Variants in CEP112 observed in about 807,000 individuals in gnomAD.
CEP112 encodes the protein centrosomal protein of 112 kDa.
Under a neutral mutation model 153.0 loss-of-function variants are expected in CEP112, and 127 were observed. The observed-to-expected ratio is 0.83, with a 90% CI of 0.72 to 0.96. The LOEUF (loss-of-function observed/expected upper bound fraction) is 0.96. Among genes scored for constraint, CEP112 ranks in the 40% least tolerant of loss-of-function variants. The probability of loss-of-function intolerance (pLI) is 0.00; values close to 1 mark genes in which losing one functional copy is unlikely to be tolerated. For missense variants in CEP112, 1,089 were observed against 1,101.2 expected (o/e 0.99, Z 0.16); for synonymous variants, 358 against 374.4 (o/e 0.96, Z 0.51).
At chr17:66,051,121 A>T (rs1461348667) in intron 12 of CEP112, among the ~76,000 whole-genome samples, 1 of 147,426 alleles carries the variant, frequency 6.8e-6, no homozygotes, top group African/African-American at 2.5e-5. Flanking sequence ...CTGGGACTAC[A>T]AGCACACCCC....
At chr17:66,052,501 C>CAT (rs368756407) in intron 12 of CEP112, among the ~76,000 whole-genome samples, 119 of 151,724 alleles carry the variant, frequency 7.8e-4, no homozygotes, top group Admixed American at 1.1e-3. Context: ...ACTCCACAGC[C>CAT]ATATATATAT....
chr17:65,657,461 C>T (rs933671692), intron 24 of CEP112, among the ~76,000 whole-genome samples: 4 of 152,072 alleles, frequency 2.6e-5, no homozygotes, highest in African/African-American at 7.2e-5. Context: ...TGTTGAAGAA[C>T]GTGAATATTT....
At chr17:66,158,356 T>C (rs2071536726) in intron 4 of CEP112, among the ~76,000 whole-genome samples, 1 of 152,134 alleles carries the variant, frequency 6.6e-6, no homozygotes, top group African/African-American at 2.4e-5. Flanking sequence ...CTCACACCTG[T>C]AATCCCAGCA....
At chr17:65,911,172 T>C (rs746010183) in intron 19 of CEP112, among the ~76,000 whole-genome samples, 5 of 152,164 alleles carry the variant, frequency 3.3e-5, no homozygotes, top group Non-Finnish European at 7.4e-5. Flanking sequence ...CAGTAGTCAA[T>C]AATAGATCAA....
chr17:66,096,684 A>T, intron 6 of CEP112, 52 bp from the exon 7 acceptor site: 1 of 1,150,856 alleles, frequency 8.7e-7, no homozygotes, highest in East Asian at 2.6e-5. Flanking sequence ...TTGGAGTTTT[A>T]ATTATTATTT....
chr17:66,073,455 C>T (rs1349482183), intron 8 of CEP112, among the ~76,000 whole-genome samples: 1 of 152,200 alleles, frequency 6.6e-6, no homozygotes, highest in African/African-American at 2.4e-5. Flanking sequence ...CAACCACAGG[C>T]TGATGGCTGG....
chr17:66,163,573 A>G (rs1412476684), intron 4 of CEP112, among the ~76,000 whole-genome samples: 2 of 152,216 alleles, frequency 1.3e-5, no homozygotes, highest in East Asian at 3.9e-4. Context: ...GAAAAAGAAA[A>G]CTAAATGAAA....
intron 20 of CEP112, among the ~76,000 whole-genome samples, chr17:65,895,567 C>CA (rs2059631341): frequency 6.6e-6 from 1 of 152,088 alleles, no homozygotes; most frequent in African/African-American, 2.4e-5. Context: ...CTCTCTCCCA[C>CA]ACCAGGCAAA....
intron 8 of CEP112, among the ~76,000 whole-genome samples, chr17:66,089,488 A>G (rs1371963051): frequency 1.3e-5 from 2 of 152,206 alleles, no homozygotes; most frequent in Non-Finnish European, 2.9e-5. Flanking sequence ...TTAACAGAGA[A>G]ATTTTTTAAA....
intron 6 of CEP112, among the ~76,000 whole-genome samples, chr17:66,114,231 T>G (rs983509101): frequency 6.6e-5 from 10 of 152,166 alleles, no homozygotes; most frequent in Non-Finnish European, 1.0e-4. Flanking sequence ...AAAACAGACA[T>G]CTGAATACTT....
intron 20 of CEP112, among the ~76,000 whole-genome samples, chr17:65,863,836 G>A (rs528912727): frequency 1.3e-5 from 2 of 149,906 alleles, no homozygotes; most frequent in African/African-American, 4.9e-5. Context: ...AGGCAGAGGT[G>A]TTCCTAGAAA....
intron 4 of CEP112, among the ~76,000 whole-genome samples, chr17:66,135,835 C>T (rs229852): frequency 1 from 151,714 of 152,198 alleles, 75,617 homozygotes; most frequent in Middle Eastern, 1. Flanking sequence ...AGGAATGATA[C>T]TATATATAGA....
intron 25 of CEP112, among the ~76,000 whole-genome samples, chr17:65,639,517 A>C (rs367580444): frequency 2.0e-4 from 31 of 151,910 alleles, no homozygotes; most frequent in African/African-American, 7.0e-4. Context: ...CTCTACAAAC[A>C]AACCCCCGTT....
At chr17:66,048,714 A>G (rs1357152904) in intron 12 of CEP112, among the ~76,000 whole-genome samples, 1 of 152,034 alleles carries the variant, frequency 6.6e-6, no homozygotes, top group Non-Finnish European at 1.5e-5. Flanking sequence ...GGTTCAGACA[A>G]TTCTCCTGCC....
intron 23 of CEP112, among the ~76,000 whole-genome samples, chr17:65,701,764 G>A (rs2048642875): frequency 1.3e-5 from 2 of 152,018 alleles, no homozygotes; most frequent in African/African-American, 4.8e-5. Flanking sequence ...CACCTGTCCT[G>A]CTGATCAATG....
intron 16 of CEP112, among the ~76,000 whole-genome samples, chr17:66,008,940 C>T (rs4791100): frequency 0.41 from 62,436 of 151,930 alleles, 14,292 homozygotes; most frequent in East Asian, 0.87. Context: ...CAGATAAATA[C>T]ATAGCTTGAT....
intron 16 of CEP112, among the ~76,000 whole-genome samples, chr17:66,014,772 G>A (rs2064700001): frequency 6.6e-6 from 1 of 152,146 alleles, no homozygotes; most frequent in African/African-American, 2.4e-5. Context: ...TCCCCTTTCA[G>A]CCCAGTGTCT....
intron 24 of CEP112, among the ~76,000 whole-genome samples, chr17:65,687,838 CTAATA>C (rs2047895690): frequency 1.3e-5 from 2 of 152,150 alleles, no homozygotes; most frequent in South Asian, 2.1e-4. Context: ...TCAGAATAAG[CTAATA>C]TAATATGCCA....
chr17:65,745,464 C>G (rs2051388813), intron 22 of CEP112, among the ~76,000 whole-genome samples: 1 of 152,208 alleles, frequency 6.6e-6, no homozygotes, highest in African/African-American at 2.4e-5. Context: ...AATCAACTCA[C>G]AGTCACAGAG....
Sources: gnomAD v4.1 joint callset for allele counts (sites outside exome capture counted in the v4.1 genomes callset) on GRCh38, gnomAD v4.1.1 for gene constraint, MANE v1.5 for transcripts, NCBI Gene and HGNC (gene_info 2026-07-23, HGNC 2026-07-21) for gene names.